The following LUZP2 variants were observed in gnomAD, a reference collection of about 807,000 sequenced individuals.
LUZP2 encodes leucine zipper protein 2.
A neutral mutation model predicts 51.6 loss-of-function variants in LUZP2; 52 were observed. The ratio of observed to expected loss-of-function variants is 1.01; its 90% CI spans 0.81 to 1.27. The LOEUF is 1.27. LUZP2 is among the 50% of genes most tolerant of loss of function. The probability of loss-of-function intolerance (pLI) is 0.00; values close to 1 mark genes in which losing one functional copy is unlikely to be tolerated. For synonymous variants in LUZP2, 154 were observed against 137.3 expected (o/e 1.12, Z -0.85); for missense variants, 436 against 395.4 (o/e 1.10, Z -0.87).
rs116910881 is a variant in LUZP2, at chr11:24,824,766, G to A, written c.396+61458G>A. On this transcript the variant is annotated intron_variant, in intron 5 of 11. Transcript: ENST00000336930. ...AATATGCTTTTTCTGATATTTTAAT[G>A]TGTGAGTTATGTGCTTTCAAAAATC... Among the ~76,000 whole-genome samples the A allele has an allele frequency of 9.3e-3, 1,414 of 152,114 alleles. 12 individuals are homozygous for A. The highest frequency in any genetic ancestry group is 0.054 in the Middle Eastern group (16 of 294).
rs1471453056 is a variant in LUZP2, at chr11:24,741,982, ATT to A, written c.333+3681_333+3682del. Among the ~76,000 whole-genome samples the A allele has an allele frequency of 2.1e-4, 17 of 81,478 alleles. 1 individual carries two copies. The East Asian group carries it at 4.1e-3, about 20-fold the overall frequency. 53.5% of individuals were successfully genotyped at this position (81,478 alleles called of 152,430 possible). A position where few individuals can be genotyped will look rare whatever the true frequency, so the allele number is the denominator to read the frequency against. ...TATATATAAATATATACATTTATAT[ATT>A]ATATATAAATGTATATATTATATAT... On this transcript the variant is annotated intron_variant, in intron 4 of 11. Transcript: ENST00000336930.
chr11:24,901,571 C>A (rs1439374936), intron 5 of LUZP2, among the ~76,000 whole-genome samples: 1 of 152,156 alleles, frequency 6.6e-6, no homozygotes, highest in African/African-American at 2.4e-5. Context: ...AAACTTTAGA[C>A]AGACTCCTCT....
intron 1 of LUZP2, among the ~76,000 whole-genome samples, chr11:24,541,047 G>A (rs538370844): frequency 5.3e-5 from 8 of 152,166 alleles, no homozygotes; most frequent in African/African-American, 1.9e-4. Flanking sequence ...GAGGCCAGGA[G>A]TTCAAGACCA....
At chr11:25,021,293 A>T (rs897936951) in intron 9 of LUZP2, among the ~76,000 whole-genome samples, 2 of 112,306 alleles carry the variant, frequency 1.8e-5, no homozygotes, top group African/African-American at 8.1e-5. Context: ...GATAATTGGG[A>T]ATTTGTCAGA....
chr11:24,607,585 C>T (rs967544555), intron 1 of LUZP2, among the ~76,000 whole-genome samples: 4 of 151,514 alleles, frequency 2.6e-5, no homozygotes, highest in African/African-American at 7.3e-5. Context: ...ATAGTGCCTT[C>T]GACTGTTATT....
chr11:24,795,476 A>T (rs918849478), intron 5 of LUZP2, among the ~76,000 whole-genome samples: 4 of 152,158 alleles, frequency 2.6e-5, no homozygotes, highest in Non-Finnish European at 4.4e-5. Flanking sequence ...TTTACAGAGT[A>T]TTTTCAAGAG....
chr11:24,988,347 TA>T (rs1216074629), intron 9 of LUZP2, among the ~76,000 whole-genome samples: 2 of 151,952 alleles, frequency 1.3e-5, no homozygotes, highest in East Asian at 1.9e-4. Flanking sequence ...CATTAGAAGG[TA>T]AAATTTTTTT....
chr11:24,747,903 C>A (rs889133226), intron 4 of LUZP2, among the ~76,000 whole-genome samples: 2 of 152,066 alleles, frequency 1.3e-5, no homozygotes, highest in Non-Finnish European at 1.5e-5. Context: ...TCACTCCCAC[C>A]GTGTCCCCTC....
Position 25,080,478 on chromosome 11 carries a change from C to A in LUZP2, c.*1820C>A, listed in dbSNP as rs1376157375. The A allele has an allele frequency of 8.0e-6, 1 of 124,492 alleles. No homozygotes were observed. Among genetic ancestry groups the A allele is most frequent in the Non-Finnish European group, 1.8e-5 (1 of 55,920 alleles). The allele number at this position is 124,492 out of a possible 1,614,324, so 7.7% of individuals were successfully genotyped here. On this transcript the variant is annotated 3_prime_UTR_variant, in exon 12 of 12. Transcript: ENST00000336930. ...TCATATTTTTCATAAAACCGGCTAC[C>A]CAAGGAAAAAAATAATTAGCTTTAT...
intron 1 of LUZP2, among the ~76,000 whole-genome samples, chr11:24,553,897 G>A (rs1851790721): frequency 6.6e-6 from 1 of 152,120 alleles, no homozygotes; most frequent in African/African-American, 2.4e-5. Flanking sequence ...ATTTTCATGA[G>A]TTTCCTTGAG....
intron 1 of LUZP2, among the ~76,000 whole-genome samples, chr11:24,648,431 C>G (rs901719264): frequency 6.6e-6 from 1 of 151,900 alleles, no homozygotes. Context: ...TTCAGCTGCT[C>G]GGGTATGTCT....
chr11:25,015,755 G>T (rs1857131001), intron 9 of LUZP2, among the ~76,000 whole-genome samples: 1 of 152,012 alleles, frequency 6.6e-6, no homozygotes, highest in Non-Finnish European at 1.5e-5. Flanking sequence ...TTAAAATAGT[G>T]TCTACTGAAA....
chr11:24,523,807 C>T (rs7102196), intron 1 of LUZP2, among the ~76,000 whole-genome samples: 35,211 of 151,446 alleles, frequency 0.23, 5,377 homozygotes, highest in African/African-American at 0.43. Flanking sequence ...CAACAAAATA[C>T]CTTTAATCTT....
chr11:24,846,047 C>A (rs1476598367), intron 5 of LUZP2, among the ~76,000 whole-genome samples: 1 of 151,750 alleles, frequency 6.6e-6, no homozygotes, highest in Non-Finnish European at 1.5e-5. Context: ...CCATTCAACG[C>A]AGGCAAGGAT....
chr11:24,844,320 C>A (rs564194338), intron 5 of LUZP2, among the ~76,000 whole-genome samples: 2 of 152,168 alleles, frequency 1.3e-5, no homozygotes, highest in African/African-American at 2.4e-5. Context: ...TGCCCCTGCC[C>A]TAGAGATTTG....
intron 5 of LUZP2, among the ~76,000 whole-genome samples, chr11:24,783,821 G>A (rs895283658): frequency 6.6e-6 from 1 of 151,974 alleles, no homozygotes; most frequent in African/African-American, 2.4e-5. Context: ...GTTTGAAACA[G>A]TAGTGCATGA....
chr11:24,696,489 C>CA (rs909512269), intron 1 of LUZP2, among the ~76,000 whole-genome samples: 4 of 152,036 alleles, frequency 2.6e-5, no homozygotes, highest in Non-Finnish European at 5.9e-5. Context: ...CCGATGCTTT[C>CA]AAAAATTGTA....
chr11:24,968,872 A>T (rs1391899521), intron 7 of LUZP2, among the ~76,000 whole-genome samples: 1 of 152,208 alleles, frequency 6.6e-6, no homozygotes, highest in African/African-American at 2.4e-5. Context: ...GGGCTTACCT[A>T]GTCAGTTTCC....
At chr11:24,818,080 A>G (rs895109503) in intron 5 of LUZP2, among the ~76,000 whole-genome samples, 4 of 152,080 alleles carry the variant, frequency 2.6e-5, no homozygotes, top group Admixed American at 2.6e-4. Flanking sequence ...GAGTTGCAGC[A>G]ACTTGATTTT....
Sources: gnomAD v4.1 joint callset for allele counts (sites outside exome capture counted in the v4.1 genomes callset) on GRCh38, gnomAD v4.1.1 for gene constraint, MANE v1.5 for transcripts, NCBI Gene and HGNC (gene_info 2026-07-23, HGNC 2026-07-21) for gene names.